NAV2: variants seen among roughly 807,000 people sequenced by gnomAD.
NAV2 encodes helicase, APC down-regulated 1.
In NAV2, 54 loss-of-function variants were observed where a neutral mutation model predicts 223.2. The observed-to-expected ratio is 0.24, with a 90% CI of 0.19 to 0.30. The LOEUF is 0.30. Ranked by LOEUF, NAV2 falls within the 10% of genes least tolerant of loss-of-function variation. The pLI, the probability that NAV2 is intolerant of heterozygous loss-of-function variation, is 1.00. For synonymous variants in NAV2, 1,279 were observed against 1,239.3 expected (o/e 1.03, Z -0.67); for missense variants, 2,806 against 3,147.5 (o/e 0.89, Z 2.60).
chr11:19,499,665 A>G (rs1186447956), intron 1 of NAV2, among the ~76,000 whole-genome samples: 1 of 152,170 alleles, frequency 6.6e-6, no homozygotes, highest in Non-Finnish European at 1.5e-5. Flanking sequence ...GATAAGCATA[A>G]CACCCATCTT....
rs2051747216 is a variant in NAV2 at position 19,995,134 on chromosome 11, CT to C, written c.2768+10889del. On this transcript the variant is annotated intron_variant, in intron 11 of 37. Coordinates refer to ENST00000349880, the MANE Select transcript of NAV2 (RefSeq NM_145117.5). ...CTAGTGAATTACCTTGGGCAAGATG[CT>C]TCCCCTCTCTGCACCTCTATTTGTT... 2.0e-5 allele frequency among the ~76,000 whole-genome samples: 3 copies of C among 152,212 alleles called. No individual in the cohort carries two copies. The South Asian group carries it at 6.2e-4, about 32-fold the overall frequency.
chr11:19,674,728 A>G (rs570480744), intron 1 of NAV2, among the ~76,000 whole-genome samples: 16 of 152,210 alleles, frequency 1.1e-4, no homozygotes, highest in African/African-American at 3.9e-4. Flanking sequence ...CTCAGCCTCC[A>G]CCCACAAGAT....
In NAV2 at chr11:20,062,379, G is replaced by T; in HGVS notation, c.4884+20G>T. 1 of 1,590,374 alleles carries T rather than the reference G, an allele frequency of 6.3e-7. No homozygotes were observed. The highest frequency in any genetic ancestry group is 8.6e-7 in the Non-Finnish European group (1 of 1,165,072). ...TCTACAGTGAGTATAAATCAATGCT[G>T]TGTGGCTGTGATCATGAGAACTGGG... On this transcript the variant is annotated intron_variant, in intron 20 of 37. Transcript: ENST00000349880.
intron 26 of NAV2, among the ~76,000 whole-genome samples, chr11:20,086,340 T>C (rs892174208): frequency 4.7e-5 from 7 of 149,800 alleles, no homozygotes; most frequent in African/African-American, 1.7e-4. Context: ...TCAAGGCCTG[T>C]GTCCTTCCTG....
chr11:20,105,769 C>G, intron 35 of NAV2, 42 bp downstream of exon 35: 1 of 1,514,454 alleles, frequency 6.6e-7, no homozygotes, highest in South Asian at 1.2e-5. Context: ...CTGGCATCCT[C>G]AGGTGCCCAT....
intron 7 of NAV2, among the ~76,000 whole-genome samples, chr11:19,937,701 T>C (rs563190879): frequency 1.4e-4 from 21 of 152,350 alleles, no homozygotes; most frequent in African/African-American, 4.6e-4. Context: ...TAATGTTCCT[T>C]CTAGTACCTA....
chr11:19,987,569 C>A (rs2050905906), intron 11 of NAV2, among the ~76,000 whole-genome samples: 1 of 152,236 alleles, frequency 6.6e-6, no homozygotes, highest in South Asian at 2.1e-4. Flanking sequence ...GCCTACCAGG[C>A]AGAACTTGCC....
chr11:19,728,523 C>G (rs1246957800), intron 1 of NAV2, among the ~76,000 whole-genome samples: 1 of 152,186 alleles, frequency 6.6e-6, no homozygotes, highest in African/African-American at 2.4e-5. Flanking sequence ...CATTGCCACA[C>G]AGACCAGGGT....
chr11:19,829,894 G>C (rs1029766070), intron 1 of NAV2, among the ~76,000 whole-genome samples: 15 of 152,192 alleles, frequency 9.9e-5, no homozygotes, highest in African/African-American at 3.6e-4. Flanking sequence ...AAGGCATTCA[G>C]ATAGCAAGGG....
intron 1 of NAV2, among the ~76,000 whole-genome samples, chr11:19,691,699 G>C (rs1054351957): frequency 6.6e-6 from 1 of 152,034 alleles, no homozygotes; most frequent in African/African-American, 2.4e-5. Flanking sequence ...TTCTTCCTTG[G>C]GTTTTTCCCA....
chr11:20,018,385 A>T (rs1283585403), intron 11 of NAV2, among the ~76,000 whole-genome samples: 3 of 151,836 alleles, frequency 2.0e-5, no homozygotes, highest in Non-Finnish European at 2.9e-5. Flanking sequence ...GTGAAACTAA[A>T]GTGGTATTAC....
chr11:19,941,423 AT>A lies in NAV2; in HGVS notation c.2146+1659del, dbSNP rs72262826. Among the ~76,000 whole-genome samples the A allele has an allele frequency of 1.5e-4, 21 of 137,450 alleles. 2 individuals are homozygous for A. Among genetic ancestry groups the A allele is most frequent in the South Asian group, 2.3e-4 (1 of 4,274 alleles). 90.2% of individuals were successfully genotyped at this position (137,450 alleles called of 152,430 possible). ...GAAGTCACACATGTGACTATGTTGAATTTTTTTTTATGGAGACACTGAATAA... is the reference window on the plus strand; with the variant it reads ...GAAGTCACACATGTGACTATGTTGAATTTTTTTTATGGAGACACTGAATAA... On this transcript the variant is annotated intron_variant, in intron 8 of 37. Transcript: ENST00000349880.
At chr11:19,501,967 G>A (rs1590346234) in intron 1 of NAV2, among the ~76,000 whole-genome samples, 1 of 152,096 alleles carries the variant, frequency 6.6e-6, no homozygotes, top group Admixed American at 6.6e-5. Flanking sequence ...GCTTTGCTCC[G>A]CATTGTAAGT....
chr11:20,111,776 T>G (rs781122730), intron 36 of NAV2, among the ~76,000 whole-genome samples: 1 of 152,254 alleles, frequency 6.6e-6, no homozygotes, highest in Non-Finnish European at 1.5e-5. Flanking sequence ...CCTTGGGTTC[T>G]CCATCTATAA....
At chr11:19,410,517 T>C (rs548111219) in intron 1 of NAV2, among the ~76,000 whole-genome samples, 1 of 152,306 alleles carries the variant, frequency 6.6e-6, no homozygotes, top group African/African-American at 2.4e-5. Context: ...ATTATCTGGC[T>C]AAGCTGGGAT....
chr11:19,429,366 C>T (rs1256775375), intron 1 of NAV2, among the ~76,000 whole-genome samples: 1 of 152,190 alleles, frequency 6.6e-6, no homozygotes. Flanking sequence ...CCTCACTGGG[C>T]TATTACGGGA....
chr11:19,681,991 A>T (rs931775271), intron 1 of NAV2, among the ~76,000 whole-genome samples: 5 of 152,128 alleles, frequency 3.3e-5, no homozygotes, highest in African/African-American at 1.2e-4. Context: ...TAGTCACATG[A>T]TCTGATCAAG....
At chr11:20,072,206 A>T (rs1158385569) in intron 22 of NAV2, among the ~76,000 whole-genome samples, 1 of 151,804 alleles carries the variant, frequency 6.6e-6, no homozygotes, top group Non-Finnish European at 1.5e-5. Context: ...TCCTTTCCCC[A>T]TTGCTTGTTT....
chr11:19,918,461 C>T (rs552096553), intron 6 of NAV2, among the ~76,000 whole-genome samples: 1 of 152,292 alleles, frequency 6.6e-6, no homozygotes, highest in Non-Finnish European at 1.5e-5. Flanking sequence ...GACTTGTAAG[C>T]ATTCTTCATT....
Sources: gnomAD v4.1 joint callset for allele counts (sites outside exome capture counted in the v4.1 genomes callset) on GRCh38, gnomAD v4.1.1 for gene constraint, MANE v1.5 for transcripts, NCBI Gene and HGNC (gene_info 2026-07-23, HGNC 2026-07-21) for gene names.